NUP160: variants seen among roughly 807,000 people sequenced by gnomAD.
NUP160 encodes the protein nuclear pore complex protein Nup160.
A neutral mutation model predicts 196.9 loss-of-function variants in NUP160; 94 were observed. That is an observed-to-expected ratio of 0.48 (90% CI 0.40 to 0.57). The LOEUF is 0.57. Ranked by LOEUF, NUP160 falls within the 20% of genes least tolerant of loss-of-function variation. The probability of loss-of-function intolerance (pLI) is 0.00; values close to 1 mark genes in which losing one functional copy is unlikely to be tolerated. For synonymous variants in NUP160, 605 were observed against 619.7 expected (o/e 0.98, Z 0.35); for missense variants, 1,638 against 1,748.3 (o/e 0.94, Z 1.13).
At chr11:47,825,291 T>G (rs997330221) in intron 7 of NUP160, among the ~76,000 whole-genome samples, 5 of 149,578 alleles carry the variant, frequency 3.3e-5, no homozygotes, top group Admixed American at 3.3e-4. Context: ...TTAAATAACT[T>G]TTTTTTTTTG....
intron 23 of NUP160, 65 bp downstream of exon 23, chr11:47,801,746 A>T: frequency 7.0e-7 from 1 of 1,425,542 alleles, no homozygotes; most frequent in South Asian, 1.3e-5. Context: ...AAAAATAGCA[A>T]AGCAATGTAT....
chr11:47,820,697 A>G (rs1851839654), intron 9 of NUP160, among the ~76,000 whole-genome samples: 1 of 152,074 alleles, frequency 6.6e-6, no homozygotes, highest in Non-Finnish European at 1.5e-5. Flanking sequence ...GATTACAGGC[A>G]CATACCACCA....
At chr11:47,807,014 G>A in intron 19 of NUP160, 56 bp downstream of exon 19, 1 of 1,286,798 alleles carries the variant, frequency 7.8e-7, no homozygotes, top group Non-Finnish European at 1.1e-6. Flanking sequence ...CCACTTTAAT[G>A]AATATGCAAT....
intron 27 of NUP160, among the ~76,000 whole-genome samples, chr11:47,796,622 C>T (rs776992240): frequency 3.3e-5 from 5 of 152,002 alleles, no homozygotes; most frequent in Non-Finnish European, 7.3e-5. Flanking sequence ...ATATTCACTG[C>T]GTTAATGTTT....
chr11:47,781,192 A>C (rs964419463), intron 34 of NUP160, among the ~76,000 whole-genome samples: 1 of 151,988 alleles, frequency 6.6e-6, no homozygotes, highest in South Asian at 2.1e-4. Flanking sequence ...CACTGCACTC[A>C]AGCCTGGGCG....
At chr11:47,822,438 A>G (rs1851881524) in intron 7 of NUP160, among the ~76,000 whole-genome samples, 1 of 151,846 alleles carries the variant, frequency 6.6e-6, no homozygotes, top group African/African-American at 2.4e-5. Context: ...TTGTATTTTT[A>G]GTAGAGATGG....
intron 4 of NUP160, among the ~76,000 whole-genome samples, chr11:47,838,058 T>TAGTAAGTC (rs1852211492): frequency 6.6e-6 from 1 of 152,100 alleles, no homozygotes; most frequent in Non-Finnish European, 1.5e-5. Flanking sequence ...AGTAGAATGG[T>TAGTAAGTC]AGTAAGTCAG....
At chr11:47,806,788 TATACACACACACACACACACACAC>T (rs1296184413) in intron 19 of NUP160, among the ~76,000 whole-genome samples, 8 of 106,414 alleles carry the variant, frequency 7.5e-5, no homozygotes, top group Non-Finnish European at 1.2e-4. Context: ...GGAAAGCAGC[TATACACACACACACACACACACAC>T]ACACACACAC....
chr11:47,813,539 G>GT (rs1310290323), intron 13 of NUP160, 124 bp from the exon 14 acceptor site: 10 of 628,832 alleles, frequency 1.6e-5, no homozygotes, highest in East Asian at 1.4e-4. Context: ...AATAATAGGT[G>GT]TAAGTCTTGG....
intron 34 of NUP160, among the ~76,000 whole-genome samples, chr11:47,781,361 C>T (rs964158093): frequency 6.6e-6 from 1 of 151,816 alleles, no homozygotes; most frequent in African/African-American, 2.4e-5. Flanking sequence ...CTCCAGGGCT[C>T]ATGTGATCCT....
chr11:47,835,874 T>A, intron 6 of NUP160, 65 bp from the exon 7 acceptor site: 2 of 1,266,580 alleles, frequency 1.6e-6, no homozygotes, highest in African/African-American at 1.5e-5. Context: ...ACATACCTTT[T>A]GAAAGGATGG....
chr11:47,846,757 T>G (rs140164104), intron 2 of NUP160, among the ~76,000 whole-genome samples: 1 of 152,166 alleles, frequency 6.6e-6, no homozygotes, highest in Non-Finnish European at 1.5e-5. Context: ...AAAATACATT[T>G]AAAAAAATTT....
Position 47,832,271 on chromosome 11 carries a change from G to C in NUP160, c.1101+3380C>G, listed in dbSNP as rs536666887. On this transcript the variant is annotated intron_variant, in intron 7 of 35. Transcript: ENST00000378460. ...CTGAGCATGGGCAAGGCTCACCTTG[G>C]GAGAAATTTAATTTATAGTTTAAAT... 4.6e-5 allele frequency among the ~76,000 whole-genome samples: 7 copies of C among 152,104 alleles called. No homozygotes were observed. The South Asian group carries it at 1.5e-3, about 32-fold the overall frequency.
At chr11:47,793,675 G>A (rs2097669149) in intron 27 of NUP160, among the ~76,000 whole-genome samples, 1 of 140,706 alleles carries the variant, frequency 7.1e-6, no homozygotes, top group East Asian at 2.2e-4. Flanking sequence ...AACAAAATTT[G>A]ACATATAAAT....
chr11:47,835,985 G>A (rs980558573), intron 6 of NUP160, among the ~76,000 whole-genome samples, 176 bp from the exon 7 acceptor site: 17 of 152,280 alleles, frequency 1.1e-4, no homozygotes, highest in African/African-American at 3.6e-4. Flanking sequence ...AGTGGCTCAC[G>A]TCTGTAATCC....
At chr11:47,848,157 G>A (rs1328113240) in intron 1 of NUP160, 62 bp downstream of exon 1, 7 of 1,576,402 alleles carry the variant, frequency 4.4e-6, no homozygotes, top group African/African-American at 1.3e-5. Flanking sequence ...AGGGACCCTG[G>A]GACCCATGAG....
chr11:47,831,249 C>T (rs1306313114), intron 7 of NUP160, among the ~76,000 whole-genome samples: 1 of 152,064 alleles, frequency 6.6e-6, no homozygotes, highest in Non-Finnish European at 1.5e-5. Context: ...CCAATAAGCA[C>T]TAAAAAGATG....
intron 31 of NUP160, 136 bp downstream of exon 31, chr11:47,788,046 G>C: frequency 2.5e-6 from 2 of 790,332 alleles, no homozygotes; most frequent in South Asian, 3.9e-5. Context: ...AGAATGCTTG[G>C]ATGGATTAAA....
intron 17 of NUP160, 52 bp downstream of exon 17, chr11:47,812,012 A>G (rs2135374770): frequency 6.4e-7 from 1 of 1,569,166 alleles, no homozygotes; most frequent in East Asian, 2.2e-5. Context: ...AAGTGCTTGT[A>G]GGCCTATAAC....
Sources: gnomAD v4.1 joint callset for allele counts (sites outside exome capture counted in the v4.1 genomes callset) on GRCh38, gnomAD v4.1.1 for gene constraint, MANE v1.5 for transcripts, NCBI Gene and HGNC (gene_info 2026-07-23, HGNC 2026-07-21) for gene names.